The following SNTG1 variants were observed in gnomAD, a reference collection of about 807,000 sequenced individuals.
SNTG1 encodes the protein syntrophin gamma 1.
In SNTG1, 39 loss-of-function variants were observed where a neutral mutation model predicts 74.7. The observed-to-expected ratio is 0.52, with a 90% CI of 0.40 to 0.68. The LOEUF is 0.68. SNTG1 is among the 30% of genes least tolerant of loss of function. SNTG1 has a pLI of 0.00. For synonymous variants in SNTG1, 254 were observed against 217.1 expected, an observed-to-expected ratio of 1.17 and a Z score of -1.49; for missense variants, 685 against 609.5, an observed-to-expected ratio of 1.12 and a Z score of -1.30.
At chr8:50,598,770 T>A (rs1229897443) in intron 13 of SNTG1, among the ~76,000 whole-genome samples, 3 of 152,012 alleles carry the variant, frequency 2.0e-5, no homozygotes, top group African/African-American at 7.2e-5. Context: ...GCTTTATAGT[T>A]TTTATTATAG....
intron 13 of SNTG1, among the ~76,000 whole-genome samples, chr8:50,597,389 A>ACATATATG (rs1467424541): frequency 2.1e-5 from 2 of 95,760 alleles, no homozygotes; most frequent in Non-Finnish European, 3.3e-5. Flanking sequence ...ACACATATAT[A>ACATATATG]CATATATACA....
chr8:50,525,104 C>G (rs868795354), intron 9 of SNTG1, among the ~76,000 whole-genome samples: 3 of 152,036 alleles, frequency 2.0e-5, no homozygotes, highest in South Asian at 4.1e-4. Context: ...TTAAGAAGAT[C>G]TGTATTTCTC....
chr8:49,954,260 T>C (rs1410451177), intron 1 of SNTG1, among the ~76,000 whole-genome samples: 2 of 152,198 alleles, frequency 1.3e-5, no homozygotes, highest in Admixed American at 6.5e-5. Context: ...TCTTAAAGTG[T>C]AGTAATTAAA....
chr8:49,910,907 G>A (rs1428792428), upstream of SNTG1: 1 of 152,268 alleles, frequency 6.6e-6, no homozygotes, highest in African/African-American at 2.4e-5. Context: ...TAGGCTGTGG[G>A]CGACTCGCTA....
intron 9 of SNTG1, among the ~76,000 whole-genome samples, chr8:50,503,274 G>A (rs998541283): frequency 5.3e-5 from 8 of 152,060 alleles, no homozygotes; most frequent in East Asian, 1.9e-4. Context: ...GAAAAAAAGC[G>A]TTTGCCTTTG....
At chr8:50,576,693 G>C (rs1414375129) in intron 12 of SNTG1, among the ~76,000 whole-genome samples, 1 of 151,776 alleles carries the variant, frequency 6.6e-6, no homozygotes, top group Non-Finnish European at 1.5e-5. Flanking sequence ...TAATTCCTAA[G>C]TATTTTATTC....
chr8:50,463,316 G>C (rs1388205570), intron 8 of SNTG1, among the ~76,000 whole-genome samples: 1 of 152,108 alleles, frequency 6.6e-6, no homozygotes, highest in Non-Finnish European at 1.5e-5. Flanking sequence ...ATCCTGTCCA[G>C]AAGGTTTTAA....
At chr8:50,105,589 G>T (rs145002515) in intron 1 of SNTG1, among the ~76,000 whole-genome samples, 1 of 151,788 alleles carries the variant, frequency 6.6e-6, no homozygotes, top group Non-Finnish European at 1.5e-5. Context: ...TGGAATTTTA[G>T]TAGGAATAGT....
chr8:50,626,983 A>G (rs2094960854), intron 13 of SNTG1, among the ~76,000 whole-genome samples: 1 of 152,042 alleles, frequency 6.6e-6, no homozygotes, highest in Admixed American at 6.6e-5. Flanking sequence ...TACAATCCCT[A>G]TTTATTTTTC....
intron 8 of SNTG1, among the ~76,000 whole-genome samples, chr8:50,493,600 C>G (rs2093877505): frequency 6.6e-6 from 1 of 151,886 alleles, no homozygotes; most frequent in South Asian, 2.1e-4. Context: ...AAACATTTGA[C>G]CAGTAACTAT....
chr8:50,137,118 C>T (rs2081499640), intron 1 of SNTG1, among the ~76,000 whole-genome samples: 1 of 152,112 alleles, frequency 6.6e-6, no homozygotes, highest in Non-Finnish European at 1.5e-5. Context: ...CTAAGAAATA[C>T]AAACATTATC....
intron 13 of SNTG1, among the ~76,000 whole-genome samples, chr8:50,598,023 TTTTG>T (rs2094743427): frequency 6.6e-6 from 1 of 151,856 alleles, no homozygotes; most frequent in South Asian, 2.1e-4. Flanking sequence ...AGCAGAAGTT[TTTTG>T]TTTGTTCGTT....
chr8:50,064,420 A>G (rs1183423426), intron 1 of SNTG1, among the ~76,000 whole-genome samples: 1 of 152,126 alleles, frequency 6.6e-6, no homozygotes, highest in African/African-American at 2.4e-5. Flanking sequence ...GATGGCTCCC[A>G]CCATCACTCC....
At chr8:50,346,119 A>G in intron 2 of SNTG1, among the ~76,000 whole-genome samples, 1 of 152,144 alleles carries the variant, frequency 6.6e-6, no homozygotes, top group East Asian at 1.9e-4. Flanking sequence ...GGCATACGTC[A>G]TTTTATTGTG....
At chr8:50,620,143 T>C (rs1038252834) in intron 13 of SNTG1, among the ~76,000 whole-genome samples, 1 of 152,172 alleles carries the variant, frequency 6.6e-6, no homozygotes. Context: ...CCTGCTGTTC[T>C]TGTGGTTGAC....
chr8:50,207,252 T>C (rs552895013), intron 2 of SNTG1, among the ~76,000 whole-genome samples: 1 of 152,296 alleles, frequency 6.6e-6, no homozygotes, highest in African/African-American at 2.4e-5. Flanking sequence ...GAGCCTGTTA[T>C]TGGTCTATTC....
chr8:50,585,055 C>G (rs1258515314), intron 12 of SNTG1, among the ~76,000 whole-genome samples: 1 of 152,164 alleles, frequency 6.6e-6, no homozygotes, highest in East Asian at 1.9e-4. Flanking sequence ...ATAGATAGAA[C>G]TTACTTGTCT....
intron 11 of SNTG1, among the ~76,000 whole-genome samples, chr8:50,550,693 G>GTGTGTGTGTATATATA (rs1554571332): frequency 1.3e-5 from 2 of 149,028 alleles, no homozygotes; most frequent in Admixed American, 6.7e-5. Context: ...TAGTGTGTGT[G>GTGTGTGTGTATATATA]TATATATATA....
rs545508798 is a variant in SNTG1, at chr8:50,314,121, T to C, written c.-27-80091T>C. ...GCCATGAGCTCATCCAGTCATCCCC[T>C]CTAGGCCCCTTCAGTGGACAGTTAC... On this transcript the variant is annotated intron_variant, in intron 2 of 18. Transcript: ENST00000642720. Among the ~76,000 whole-genome samples the C allele has an allele frequency of 1.7e-3, 253 of 149,858 alleles. 13 individuals carry two copies. Among genetic ancestry groups the C allele is most frequent in the Middle Eastern group, 0.014 (4 of 294 alleles).
Sources: allele counts gnomAD v4.1 joint callset (sites outside exome capture counted in the v4.1 genomes callset), GRCh38; gene constraint gnomAD v4.1.1; transcripts MANE v1.5; gene names NCBI Gene and HGNC (gene_info 2026-07-23, HGNC 2026-07-21).